ARHGAP15: variants seen among roughly 807,000 people sequenced by gnomAD.
The protein encoded by ARHGAP15 is Rho GTPase activating protein 15.
Under a neutral mutation model 63.7 loss-of-function variants are expected in ARHGAP15, and 51 were observed. The ratio of observed to expected loss-of-function variants is 0.80; its 90% CI spans 0.64 to 1.01. The LOEUF (loss-of-function observed/expected upper bound fraction) is 1.01, where lower values mean the gene tolerates loss of function less well. Ranked by LOEUF, ARHGAP15 falls within the 50% of genes least tolerant of loss-of-function variation. The pLI is 0.00. For missense variants in ARHGAP15, 560 were observed against 564.6 expected (o/e 0.99, Z 0.08); for synonymous variants, 191 against 193.8 (o/e 0.99, Z 0.12).
chr2:143,145,277 T>A (rs1689535438), intron 1 of ARHGAP15, among the ~76,000 whole-genome samples: 1 of 152,070 alleles, frequency 6.6e-6, no homozygotes, highest in Non-Finnish European at 1.5e-5. Context: ...TCTGGGCTTG[T>A]GATGTACAAA....
intron 12 of ARHGAP15, among the ~76,000 whole-genome samples, chr2:143,632,753 C>T (rs1680108275): frequency 6.6e-6 from 1 of 152,066 alleles, no homozygotes; most frequent in African/African-American, 2.4e-5. Context: ...TCCATTTTGC[C>T]TTTAGAGTAT....
At chr2:143,448,977 G>C (rs186435250) in intron 8 of ARHGAP15, among the ~76,000 whole-genome samples, 1 of 151,936 alleles carries the variant, frequency 6.6e-6, no homozygotes, top group South Asian at 2.1e-4. Context: ...CTATCTTGTC[G>C]GCCTTTGTGT....
intron 6 of ARHGAP15, among the ~76,000 whole-genome samples, chr2:143,342,028 A>G (rs1400609996): frequency 6.6e-6 from 1 of 152,128 alleles, no homozygotes; most frequent in Non-Finnish European, 1.5e-5. Flanking sequence ...TATTCTTCAC[A>G]ATGCCCATGC....
chr2:143,506,351 T>C (rs1693320341), intron 9 of ARHGAP15, among the ~76,000 whole-genome samples: 1 of 152,218 alleles, frequency 6.6e-6, no homozygotes, highest in African/African-American at 2.4e-5. Flanking sequence ...CTCAGACTTG[T>C]CACTCAAACA....
At chr2:143,391,000 A>G (rs958388950) in intron 6 of ARHGAP15, among the ~76,000 whole-genome samples, 10 of 152,208 alleles carry the variant, frequency 6.6e-5, no homozygotes, top group African/African-American at 2.4e-4. Context: ...ACACCAGCAC[A>G]GAGTTACCTG....
chr2:143,665,139 C>T (rs202214726), intron 12 of ARHGAP15, among the ~76,000 whole-genome samples: 19,281 of 150,162 alleles, frequency 0.13, 1,270 homozygotes, highest in East Asian at 0.2. Context: ...GACCAATATC[C>T]TTGATGAACA....
intron 6 of ARHGAP15, among the ~76,000 whole-genome samples, chr2:143,411,166 C>G (rs1457394495): frequency 6.6e-6 from 1 of 152,104 alleles, no homozygotes; most frequent in Non-Finnish European, 1.5e-5. Context: ...GATCATGCCA[C>G]TGCACTCCAG....
intron 6 of ARHGAP15, among the ~76,000 whole-genome samples, chr2:143,269,658 C>A (rs1384203749): frequency 2.0e-5 from 3 of 151,530 alleles, no homozygotes; most frequent in African/African-American, 7.3e-5. Flanking sequence ...TTTCAAATCA[C>A]TTCCTATAAG....
At chr2:143,550,626 A>T (rs541419608) in intron 10 of ARHGAP15, among the ~76,000 whole-genome samples, 1 of 152,358 alleles carries the variant, frequency 6.6e-6, no homozygotes, top group East Asian at 1.9e-4. Context: ...GACAGCAAAG[A>T]CATAGAACAT....
intron 3 of ARHGAP15, among the ~76,000 whole-genome samples, chr2:143,203,768 T>C (rs1439085638): frequency 1.3e-5 from 2 of 152,066 alleles, no homozygotes; most frequent in African/African-American, 4.8e-5. Context: ...TATTTTTTAT[T>C]TTTTCTGTCT....
intron 6 of ARHGAP15, among the ~76,000 whole-genome samples, chr2:143,271,317 C>G (rs16858966): frequency 0.043 from 6,596 of 152,288 alleles, 248 homozygotes; most frequent in East Asian, 0.2. Flanking sequence ...GAGGTCAACA[C>G]CAGGTACATT....
chr2:143,343,522 G>T (rs571834313), intron 6 of ARHGAP15, among the ~76,000 whole-genome samples: 3 of 152,116 alleles, frequency 2.0e-5, no homozygotes, highest in South Asian at 2.1e-4. Flanking sequence ...TTTCTGCAGG[G>T]CAGTGGAAAG....
intron 11 of ARHGAP15, among the ~76,000 whole-genome samples, chr2:143,611,572 T>TA (rs956345758): frequency 1.3e-5 from 2 of 152,212 alleles, no homozygotes; most frequent in African/African-American, 4.8e-5. Flanking sequence ...TCTTTGTTGT[T>TA]ACAGTTGTTG....
Position 143,767,990 on chromosome 2 carries a change from A to T in ARHGAP15, c.1246A>T (p.Ile416Leu). 5 of 1,613,430 alleles carry T rather than the reference A, an allele frequency of 3.1e-6. No individual in the cohort carries two copies. Among genetic ancestry groups the T allele is most frequent in the Admixed American group, 3.3e-5 (2 of 59,976 alleles). Residue 416 changes from isoleucine (I) to leucine (L), a missense_variant and splice_region_variant, in exon 14 of 14, where the codon ATA becomes TTA. Physicochemically the swap from Ile to Leu is conservative, Grantham distance 5. Transcript: ENST00000295095. ...MKVLFGHLTKIVAKASKNLMS... is the reference protein window; with the variant it reads ...MKVLFGHLTKLVAKASKNLMS... Reference sequence around the variant, plus strand: ...ATTTTTTTTTCTCTCTCTCCACAGGATAGTGGCCAAAGCCTCCAAGAACCT... The same window carrying T: ...ATTTTTTTTTCTCTCTCTCCACAGGTTAGTGGCCAAAGCCTCCAAGAACCT...
intron 2 of ARHGAP15, among the ~76,000 whole-genome samples, chr2:143,179,964 CAAAGAGT>C (rs2105066908): frequency 6.6e-6 from 1 of 151,954 alleles, no homozygotes; most frequent in South Asian, 2.1e-4. Context: ...TCTGAGCCTT[CAAAGAGT>C]CATATCCTTT....
At chr2:143,527,900 G>A (rs1171620141) in intron 10 of ARHGAP15, among the ~76,000 whole-genome samples, 4 of 152,010 alleles carry the variant, frequency 2.6e-5, no homozygotes, top group African/African-American at 7.2e-5. Flanking sequence ...TTGGTTGAAG[G>A]CAGCTCAGAG....
chr2:143,562,425 T>C (rs1696067787), intron 11 of ARHGAP15, among the ~76,000 whole-genome samples: 1 of 152,238 alleles, frequency 6.6e-6, no homozygotes, highest in Admixed American at 6.5e-5. Flanking sequence ...TAAGTTTATA[T>C]TGCCCTCTTA....
rs143488444 is a variant in ARHGAP15, at chr2:143,382,857, A to T, written c.475-52744A>T. On this transcript the variant is annotated intron_variant, in intron 6 of 13. Coordinates refer to ENST00000295095, the MANE Select transcript of ARHGAP15 (RefSeq NM_018460.4). Reference sequence around the variant, plus strand: ...GCAGAAAAGGCAGAGTCAGACACAAAACTCTCATAAAAAGCATTTGCTTAA... The same window carrying T: ...GCAGAAAAGGCAGAGTCAGACACAATACTCTCATAAAAAGCATTTGCTTAA... Among the ~76,000 whole-genome samples, 80 of 152,274 alleles carry T rather than the reference A, an allele frequency of 5.3e-4. 1 individual carries two copies. The highest frequency in any genetic ancestry group is 1.9e-3 in the African/African-American group (77 of 41,554).
At position 143,466,336 on chromosome 2, in the gene ARHGAP15, A is replaced by AT. The variant is rs151312554; in HGVS notation, c.704-21028dup. On this transcript the variant is annotated intron_variant, in intron 8 of 13. Transcript: ENST00000295095. ...TTTAAAAATTGTGAAAATCAAGCCA[A>AT]TTTTTTTTTCAGAACTATGCAATTT... is the stretch of plus-strand genomic sequence containing the variant. 2.8e-3 allele frequency among the ~76,000 whole-genome samples: 428 copies of AT among 150,506 alleles called. 2 individuals are homozygous for AT. The highest frequency in any genetic ancestry group is 4.6e-3 in the Non-Finnish European group (312 of 67,510).
Sources: gnomAD v4.1 joint callset for allele counts (sites outside exome capture counted in the v4.1 genomes callset) on GRCh38, gnomAD v4.1.1 for gene constraint, MANE v1.5 for transcripts, NCBI Gene and HGNC (gene_info 2026-07-23, HGNC 2026-07-21) for gene names.